The following PDE8B variants were observed in gnomAD, a reference collection of about 807,000 sequenced individuals.
PDE8B encodes high affinity cAMP-specific and IBMX-insensitive 3',5'-cyclic phosphodiesterase 8B.
A neutral mutation model predicts 101.3 loss-of-function variants in PDE8B; 26 were observed. That is an observed-to-expected ratio of 0.26 (90% CI 0.19 to 0.36). The LOEUF is 0.36. Among genes scored for constraint, PDE8B ranks in the 10% least tolerant of loss-of-function variants. The pLI is 1.00. For missense variants in PDE8B, 810 were observed against 1,163.1 expected, an observed-to-expected ratio of 0.70 and a Z score of 4.42; for synonymous variants, 424 against 429.3, an observed-to-expected ratio of 0.99 and a Z score of 0.15.
intron 1 of PDE8B, among the ~76,000 whole-genome samples, chr5:77,226,701 A>G (rs941922665): frequency 6.6e-6 from 1 of 152,206 alleles, no homozygotes; most frequent in Admixed American, 6.5e-5. Flanking sequence ...TTGTTTAGTA[A>G]TTGTAAAATA....
intron 1 of PDE8B, among the ~76,000 whole-genome samples, chr5:77,225,694 G>A (rs1467031417): frequency 6.6e-6 from 1 of 152,128 alleles, no homozygotes; most frequent in East Asian, 1.9e-4. Flanking sequence ...TGTACCGTGA[G>A]TGTATACTTA....
At chr5:77,312,394 G>A (rs1772878946) in intron 2 of PDE8B, among the ~76,000 whole-genome samples, 1 of 152,188 alleles carries the variant, frequency 6.6e-6, no homozygotes, top group Non-Finnish European at 1.5e-5. Flanking sequence ...GTGAACCACT[G>A]TGCCCGGCCT....
intron 10 of PDE8B, among the ~76,000 whole-genome samples, chr5:77,357,948 T>G (rs1249285106): frequency 2.0e-5 from 3 of 152,230 alleles, no homozygotes; most frequent in Non-Finnish European, 2.9e-5. Context: ...TGGCCCATTC[T>G]GGTTCCCACC....
intron 1 of PDE8B, among the ~76,000 whole-genome samples, chr5:77,261,346 G>T (rs1175360228): frequency 6.6e-6 from 1 of 152,102 alleles, no homozygotes; most frequent in African/African-American, 2.4e-5. Flanking sequence ...GAAGCCCAGG[G>T]TTTTTGAGAG....
At chr5:77,279,854 T>A (rs1373191636) in intron 1 of PDE8B, among the ~76,000 whole-genome samples, 1 of 152,128 alleles carries the variant, frequency 6.6e-6, no homozygotes, top group Non-Finnish European at 1.5e-5. Flanking sequence ...TCTCATGGGG[T>A]TGTCCAGGGG....
chr5:77,306,837 A>G (rs1445840947), intron 1 of PDE8B, among the ~76,000 whole-genome samples: 1 of 152,154 alleles, frequency 6.6e-6, no homozygotes, highest in Non-Finnish European at 1.5e-5. Flanking sequence ...TGTATCGTGG[A>G]GTTCCCTTTC....
intron 1 of PDE8B, among the ~76,000 whole-genome samples, chr5:77,233,523 C>G (rs549153398): frequency 6.6e-6 from 1 of 152,170 alleles, no homozygotes; most frequent in African/African-American, 2.4e-5. Context: ...CTATGGTAAG[C>G]TTTCCAATGA....
At chr5:77,101,364 A>G in the PDE8B span, among the ~76,000 whole-genome samples, 1 of 152,184 alleles carries the variant, frequency 6.6e-6, no homozygotes, top group Non-Finnish European at 1.5e-5. Flanking sequence ...TCTAGGGTAT[A>G]TCGCTCTGTC....
At chr5:77,300,981 T>G (rs559394556) in intron 1 of PDE8B, among the ~76,000 whole-genome samples, 1 of 152,190 alleles carries the variant, frequency 6.6e-6, no homozygotes, top group African/African-American at 2.4e-5. Context: ...TTCAGTGAGA[T>G]TGGTTTTTAA....
In PDE8B at chr5:77,322,714, C is replaced by G. The variant is rs180950533; in HGVS notation, c.400-2825C>G. On this transcript the variant is annotated intron_variant, in intron 2 of 21. Transcript: ENST00000264917. ...TGCCTACTTCCTTCTGCTGCCGGCA[C>G]CCACTCCTGACCCCCTTACTCTGCT... Among the ~76,000 whole-genome samples, 28 of 152,334 alleles carry G rather than the reference C, an allele frequency of 1.8e-4. No individual in the cohort carries two copies. In the East Asian group the frequency reaches 2.7e-3, roughly 15 times the overall value.
the PDE8B span, among the ~76,000 whole-genome samples, chr5:77,101,883 G>A: frequency 1.3e-5 from 2 of 152,144 alleles, no homozygotes; most frequent in Non-Finnish European, 2.9e-5. Context: ...GAGATGGGGA[G>A]TCATTGTTTA....
At chr5:77,355,672 A>G (rs1051641643) in intron 10 of PDE8B, among the ~76,000 whole-genome samples, 1 of 152,136 alleles carries the variant, frequency 6.6e-6, no homozygotes, top group African/African-American at 2.4e-5. Flanking sequence ...CTGCACACAC[A>G]CTTTCTCCCC....
rs753857242 is a variant in PDE8B at position 77,407,408 on chromosome 5, C to A, written c.1316C>A (p.Pro439Gln). The A allele has an allele frequency of 9.9e-6, 16 of 1,613,910 alleles. No individual in the cohort carries two copies. Among genetic ancestry groups the A allele is most frequent in the Non-Finnish European group, 1.3e-5 (15 of 1,179,954 alleles). Reference sequence around the variant, plus strand: ...CCAAGCCTGCAGAATCGTCGCTATCCGTCCATGGCGAGGATCCACTCCATG... The same window carrying A: ...CCAAGCCTGCAGAATCGTCGCTATCAGTCCATGGCGAGGATCCACTCCATG... Reference protein sequence around the residue: ...DAPSLQNRRYPSMARIHSMTI... With the variant: ...DAPSLQNRRYQSMARIHSMTI... Residue 439 changes from proline (P) to glutamine (Q), a missense_variant, in exon 13 of 22, where the codon CCG (proline) becomes CAG (glutamine). Physicochemically the swap from Pro to Gln is moderately conservative, Grantham distance 76. Coordinates refer to ENST00000264917, the MANE Select transcript of PDE8B (RefSeq NM_003719.5).
chr5:77,344,921 A>G lies in PDE8B; in HGVS notation c.866A>G (p.His289Arg). 1 of 1,606,868 alleles carries G rather than the reference A, an allele frequency of 6.2e-7. No homozygotes were observed. The highest frequency in any genetic ancestry group is 8.5e-7 in the Non-Finnish European group (1 of 1,173,358). ...HEAIEITSDD[H>R]VIQYVNPAFE... is the part of the protein sequence containing the mutation. The stretch of plus-strand genomic sequence containing the variant: ...GCCATAGAAATAACAAGCGATGACC[A>G]CGTGATTCAGGTATGGAAAGAAACC... The change falls in exon 7 of 22, where the codon CAC becomes CGC. Residue 289 changes from histidine (H) to arginine (R), a missense_variant. Physicochemically the swap from His to Arg is conservative, Grantham distance 29. This residue lies in a region of PDE8B where 251 missense variants were observed against 378.8 expected (regional missense o/e 0.66). Transcript: ENST00000264917.
chr5:77,406,233 T>C (rs1793412595), intron 12 of PDE8B, among the ~76,000 whole-genome samples: 1 of 152,018 alleles, frequency 6.6e-6, no homozygotes, highest in Admixed American at 6.6e-5. Flanking sequence ...TGTGGTGAGC[T>C]AGATCGTGCC....
chr5:77,228,668 A>C (rs1260485074), intron 1 of PDE8B, among the ~76,000 whole-genome samples: 1 of 152,198 alleles, frequency 6.6e-6, no homozygotes. Flanking sequence ...TGTGTGGAAG[A>C]CATATAGAAG....
chr5:77,394,020 A>G (rs184167581), intron 10 of PDE8B, among the ~76,000 whole-genome samples: 21 of 152,318 alleles, frequency 1.4e-4, no homozygotes, highest in East Asian at 5.8e-4. Flanking sequence ...AGTGTTTCCA[A>G]TTGTGTCCTG....
the PDE8B span, among the ~76,000 whole-genome samples, chr5:77,110,359 A>G: frequency 6.6e-6 from 1 of 152,154 alleles, no homozygotes; most frequent in Non-Finnish European, 1.5e-5. Flanking sequence ...TATGACTGAT[A>G]TGACAAATTA....
intron 1 of PDE8B, among the ~76,000 whole-genome samples, chr5:77,233,994 G>C (rs1254688326): frequency 6.6e-6 from 1 of 151,898 alleles, no homozygotes; most frequent in Non-Finnish European, 1.5e-5. Context: ...CACCTATTAT[G>C]GATAAAAGAA....
Sources: gnomAD v4.1 joint callset for allele counts (sites outside exome capture counted in the v4.1 genomes callset) on GRCh38, gnomAD v4.1.1 for gene constraint, gnomAD v4.1.1 regional missense constraint, MANE v1.5 for transcripts, NCBI Gene and HGNC (gene_info 2026-07-23, HGNC 2026-07-21) for gene names.